The following CEP112 variants were observed in gnomAD, a reference collection of about 807,000 sequenced individuals.
CEP112 encodes the protein centrosomal protein 112, also known as centrosomal protein of 112 kDa.
Under a neutral mutation model 153.0 loss-of-function variants are expected in CEP112, and 127 were observed. The observed-to-expected ratio is 0.83, with a 90% CI of 0.72 to 0.96. The LOEUF is 0.96. CEP112 is among the 40% of genes least tolerant of loss of function. The pLI, the probability that CEP112 is intolerant of heterozygous loss-of-function variation, is 0.00. For missense variants in CEP112, 1,089 were observed against 1,101.2 expected, an observed-to-expected ratio of 0.99 and a Z score of 0.16; for synonymous variants, 358 against 374.4, an observed-to-expected ratio of 0.96 and a Z score of 0.51.
intron 23 of CEP112, among the ~76,000 whole-genome samples, chr17:65,716,632 G>A (rs2049535466): frequency 1.3e-5 from 2 of 152,154 alleles, no homozygotes; most frequent in South Asian, 4.1e-4. Context: ...GAATTGTACC[G>A]TGAGACTCAT....
intron 21 of CEP112, among the ~76,000 whole-genome samples, chr17:65,806,512 C>T (rs1254700627): frequency 6.6e-6 from 1 of 152,184 alleles, no homozygotes; most frequent in Non-Finnish European, 1.5e-5. Flanking sequence ...GGCTCTGTGT[C>T]CCCACCCAAA....
At position 65,851,905 on chromosome 17, in the gene CEP112, C is replaced by A. The variant is rs1448885255; in HGVS notation, c.2293G>T (p.Glu765Ter). 6.2e-7 allele frequency: 1 copy of A among 1,614,138 alleles called. No homozygotes were observed. Among genetic ancestry groups the A allele is most frequent in the East Asian group, 2.2e-5 (1 of 44,866 alleles). Residue 765 changes from glutamate (E) to a stop codon, truncating the protein, a stop_gained, in exon 21 of 27, where the codon GAA becomes TAA. Transcript: ENST00000535342. LOFTEE classifies it high-confidence loss of function. ...REEEKQRATREHEIVVNKLKA... is the reference protein window; with the variant it reads ...REEEKQRATR Reference sequence around the variant, plus strand: ...AGTTTATTGACGACAATCTCATGTTCCCTTGTAGCCCTTTGCTTTTCCTCT... The same window carrying A: ...AGTTTATTGACGACAATCTCATGTTACCTTGTAGCCCTTTGCTTTTCCTCT...
chr17:65,920,359 C>CAAACAAACAAAAAAAA (rs1178505560), intron 19 of CEP112, among the ~76,000 whole-genome samples: 5 of 29,830 alleles, frequency 1.7e-4, no homozygotes, highest in African/African-American at 6.6e-4. Context: ...AACAAACAAA[C>CAAACAAACAAAAAAAA]AAAATATATA....
chr17:65,897,726 G>T (rs1299178842), intron 20 of CEP112, among the ~76,000 whole-genome samples: 1 of 151,942 alleles, frequency 6.6e-6, no homozygotes, highest in Non-Finnish European at 1.5e-5. Context: ...AAATTAAAAT[G>T]AAATTTTAGC....
intron 17 of CEP112, among the ~76,000 whole-genome samples, chr17:66,002,447 G>A (rs2111405): frequency 1 from 151,989 of 152,318 alleles, 75,832 homozygotes; most frequent in Non-Finnish European, 1. Flanking sequence ...TTCTATGGAA[G>A]GAGTATATCT....
intron 23 of CEP112, among the ~76,000 whole-genome samples, chr17:65,733,198 A>G (rs1008762011): frequency 6.6e-6 from 1 of 152,180 alleles, no homozygotes; most frequent in Non-Finnish European, 1.5e-5. Flanking sequence ...AGATGGAGAG[A>G]GATGGGGGAA....
chr17:65,986,870 G>A (rs1421912856), intron 17 of CEP112, among the ~76,000 whole-genome samples: 1 of 152,016 alleles, frequency 6.6e-6, no homozygotes, highest in Non-Finnish European at 1.5e-5. Flanking sequence ...GAAGACACAA[G>A]ACAATCCATA....
intron 6 of CEP112, among the ~76,000 whole-genome samples, chr17:66,120,039 T>C (rs1804675499): frequency 6.6e-6 from 1 of 152,164 alleles, no homozygotes; most frequent in African/African-American, 2.4e-5. Flanking sequence ...ATTTGCCAGA[T>C]ATGTGAATAT....
chr17:65,719,424 A>C (rs545972206), intron 23 of CEP112, among the ~76,000 whole-genome samples: 14 of 152,292 alleles, frequency 9.2e-5, no homozygotes, highest in African/African-American at 3.4e-4. Flanking sequence ...AAAATTAAAA[A>C]TACAAAAATT....
In CEP112 at chr17:65,858,502, T is replaced by C. The variant is rs2058200042; in HGVS notation, c.2164-6468A>G. Among the ~76,000 whole-genome samples, 2 of 152,206 alleles carry C rather than the reference T, an allele frequency of 1.3e-5. 1 individual carries two copies. Among genetic ancestry groups the C allele is most frequent in the African/African-American group, 4.8e-5 (2 of 41,472 alleles). ...ATAATGCTTTTTTAATATCTTATTTTTTTAATCTCTGATGATCTGGAATAT... is the reference window on the plus strand; with the variant it reads ...ATAATGCTTTTTTAATATCTTATTTCTTTAATCTCTGATGATCTGGAATAT... On this transcript the variant is annotated intron_variant, in intron 20 of 26. Coordinates refer to ENST00000535342, the MANE Select transcript of CEP112 (RefSeq NM_001199165.4).
At chr17:65,758,881 A>T (rs1214119854) in intron 21 of CEP112, among the ~76,000 whole-genome samples, 2 of 152,174 alleles carry the variant, frequency 1.3e-5, no homozygotes, top group African/African-American at 4.8e-5. Flanking sequence ...GAGGCGTATG[A>T]ACCAGAGCAA....
intron 17 of CEP112, among the ~76,000 whole-genome samples, chr17:65,969,435 A>T (rs1052039361): frequency 6.6e-6 from 1 of 152,238 alleles, no homozygotes; most frequent in African/African-American, 2.4e-5. Context: ...CATGTACATT[A>T]CATGCATACA....
At chr17:66,024,570 A>AC (rs1555772620) in intron 16 of CEP112, among the ~76,000 whole-genome samples, 4 of 121,218 alleles carry the variant, frequency 3.3e-5, no homozygotes, top group South Asian at 3.6e-4. Context: ...TACAATAGTT[A>AC]TAAAAAAAAC....
At chr17:65,692,449 G>A (rs928244156) in intron 23 of CEP112, among the ~76,000 whole-genome samples, 4 of 151,976 alleles carry the variant, frequency 2.6e-5, no homozygotes, top group African/African-American at 4.8e-5. Context: ...GGATGGTCTC[G>A]ATCTCCTGTC....
At chr17:65,846,272 T>A (rs915128348) in intron 21 of CEP112, among the ~76,000 whole-genome samples, 10 of 152,236 alleles carry the variant, frequency 6.6e-5, no homozygotes, top group African/African-American at 2.4e-4. Flanking sequence ...CAGCAGCTTG[T>A]TAGTTTTATT....
At chr17:65,667,297 C>T (rs1468856031) in intron 24 of CEP112, among the ~76,000 whole-genome samples, 2 of 152,132 alleles carry the variant, frequency 1.3e-5, no homozygotes, top group Non-Finnish European at 2.9e-5. Context: ...AAACCCAGAA[C>T]TCCAGAGGGC....
At chr17:65,641,173 C>T (rs149138806) in intron 24 of CEP112, 108 bp from the exon 25 acceptor site, 101 of 639,794 alleles carry the variant, frequency 1.6e-4, no homozygotes, top group African/African-American at 9.7e-4. Flanking sequence ...GTTTGTTACA[C>T]GCGGTCAGAA....
chr17:66,137,581 A>T (rs2070494157), intron 4 of CEP112, among the ~76,000 whole-genome samples: 1 of 152,144 alleles, frequency 6.6e-6, no homozygotes, highest in Non-Finnish European at 1.5e-5. Context: ...AAAGCAACTC[A>T]CTACATACAA....
chr17:66,075,388 T>C (rs2067454152), intron 8 of CEP112, among the ~76,000 whole-genome samples: 1 of 151,986 alleles, frequency 6.6e-6, no homozygotes, highest in African/African-American at 2.4e-5. Flanking sequence ...ATGGTAAGGA[T>C]GCATAATTTT....
Sources: gnomAD v4.1 joint callset for allele counts (sites outside exome capture counted in the v4.1 genomes callset) on GRCh38, gnomAD v4.1.1 for gene constraint, MANE v1.5 for transcripts, NCBI Gene and HGNC (gene_info 2026-07-23, HGNC 2026-07-21) for gene names.